The following UPF2 variants were observed in gnomAD, a reference collection of about 807,000 sequenced individuals.
The protein encoded by UPF2 is regulator of nonsense transcripts 2.
In UPF2, 17 loss-of-function variants were observed where a neutral mutation model predicts 141.4. That is an observed-to-expected ratio of 0.12 (90% CI 0.08 to 0.18). The LOEUF (loss-of-function observed/expected upper bound fraction) is 0.18, where lower values mean the gene tolerates loss of function less well. Ranked by LOEUF, UPF2 falls within the 10% of genes least tolerant of loss-of-function variation. The pLI, the probability that UPF2 is intolerant of heterozygous loss-of-function variation, is 1.00. For synonymous variants in UPF2, 540 were observed against 498.0 expected (o/e 1.08, Z -1.12); for missense variants, 1,152 against 1,515.9 (o/e 0.76, Z 3.99).
chr10:11,990,960 C>T (rs1395695190), intron 8 of UPF2, among the ~76,000 whole-genome samples: 2 of 145,404 alleles, frequency 1.4e-5, no homozygotes, highest in Admixed American at 7.0e-5. Context: ...TGCACTTCAG[C>T]GCTTGAGCGA....
intron 14 of UPF2, among the ~76,000 whole-genome samples, chr10:11,952,824 A>G (rs927919875): frequency 7.2e-5 from 11 of 152,092 alleles, no homozygotes; most frequent in African/African-American, 2.7e-4. Context: ...GCAAGGAAAT[A>G]TTATAAATAA....
At chr10:12,037,388 GTGTTTT>G (rs1165380655) in intron 1 of UPF2, among the ~76,000 whole-genome samples, 1 of 146,786 alleles carries the variant, frequency 6.8e-6, no homozygotes, top group Non-Finnish European at 1.5e-5. Flanking sequence ...TTGAGCTTTA[GTGTTTT>G]TGTTTTTCTT....
rs1253213678 is a variant in UPF2 at position 11,995,404 on chromosome 10, A to T, written c.1844+2268T>A. Among the ~76,000 whole-genome samples, 3 of 152,200 alleles carry T rather than the reference A, an allele frequency of 2.0e-5. No homozygotes were observed. The East Asian group carries it at 5.8e-4, about 29-fold the overall frequency. The stretch of plus-strand genomic sequence containing the variant: ...CTAATTTTATCACCTTTCACATGAC[A>T]GGCATTGTGCTATGTGCTGGGTATA... On this transcript the variant is annotated intron_variant, in intron 8 of 21. Coordinates refer to ENST00000357604, the MANE Select transcript of UPF2 (RefSeq NM_015542.4).
intron 6 of UPF2, 42 bp from the exon 7 acceptor site, chr10:12,000,051 G>C: frequency 6.8e-7 from 1 of 1,466,412 alleles, no homozygotes; most frequent in Non-Finnish European, 9.3e-7. Flanking sequence ...AAAAAAAAGA[G>C]AACACAGAAT....
chr10:11,943,182 A>G lies in UPF2; in HGVS notation c.3175-14T>C. 1.3e-6 allele frequency: 2 copies of G among 1,573,004 alleles called. No individual in the cohort carries two copies. The highest frequency in any genetic ancestry group is 1.7e-6 in the Non-Finnish European group (2 of 1,151,792). On this transcript the variant is annotated splice_polypyrimidine_tract_variant and intron_variant, in intron 16 of 21. Transcript: ENST00000357604. ...ATCAGAACCCTCCTGAAATTATTGA[A>G]CATTAGAAGATTAAATAACTTTTCG...
Position 12,035,419 on chromosome 10 carries a change from G to A in UPF2, c.5C>T (p.Pro2Leu), listed in dbSNP as rs143855080. The A allele has an allele frequency of 1.8e-5, 28 of 1,571,886 alleles. No homozygotes were observed. Among genetic ancestry groups the A allele is most frequent in the Non-Finnish European group, 2.2e-5 (26 of 1,165,238 alleles). The change falls in exon 2 of 22, where the codon CCA (proline) becomes CTA (leucine). Residue 2 changes from proline to leucine, a missense_variant. This residue lies in a region of UPF2 where 145 missense variants were observed against 136.5 expected (regional missense o/e 1.06). Coordinates refer to ENST00000357604, the MANE Select transcript of UPF2 (RefSeq NM_015542.4). Reference sequence around the variant, plus strand: ...ACTTGCTGGCTTTTTACGCTCAGCTGGCATTATGTGACCCAGGACAATCTG... The same window carrying A: ...ACTTGCTGGCTTTTTACGCTCAGCTAGCATTATGTGACCCAGGACAATCTG... The part of the protein sequence containing the change: M[P>L]AERKKPASME...
In UPF2 at chr10:11,959,202, T is replaced by C. The variant is rs1253311906; in HGVS notation, c.2339A>G (p.Tyr780Cys). 33 of 1,607,402 alleles carry C rather than the reference T, an allele frequency of 2.1e-5. No homozygotes were observed. The highest frequency in any genetic ancestry group is 2.7e-5 in the Non-Finnish European group (32 of 1,177,906). ...GGTGGTAACCTTAGAGAGATCCTTGTACAAAAGTTTCCGGACATATTCCTG... is the reference window on the plus strand; with the variant it reads ...GGTGGTAACCTTAGAGAGATCCTTGCACAAAAGTTTCCGGACATATTCCTG... ...PLQEYVRKLLYKDLSKVTTEK... is the reference protein window; with the variant it reads ...PLQEYVRKLLCKDLSKVTTEK... The change falls in exon 12 of 22, where the codon TAC (tyrosine) becomes TGC (cysteine). Residue 780 changes from tyrosine to cysteine, a missense_variant. By Grantham distance (194) the Tyr-to-Cys change is radical. Around this residue, in one of 4 missense-constraint regions of UPF2, gnomAD observed 739 missense variants for 1,032.2 expected, o/e 0.72. Transcript: ENST00000357604. This position sits in a 1 kb window ranked among gnomAD's most constrained non-coding sequence, Gnocchi z 5.9.
Position 12,020,413 on chromosome 10 carries a change from G to A in UPF2, c.1146-6229C>T, listed in dbSNP as rs534815878. 7.3e-4 allele frequency among the ~76,000 whole-genome samples: 111 copies of A among 152,072 alleles called. 1 individual carries two copies. Among genetic ancestry groups the A allele is most frequent in the African/African-American group, 2.4e-3 (98 of 41,480 alleles). ...ATTACAGGCATGCGCCACTACGCCCGGCTAATTTTGTATTTTTAGTAGAGA... is the reference window on the plus strand; with the variant it reads ...ATTACAGGCATGCGCCACTACGCCCAGCTAATTTTGTATTTTTAGTAGAGA... On this transcript the variant is annotated intron_variant, in intron 3 of 21. Transcript: ENST00000357604.
At chr10:11,951,702 A>G (rs1833077288) in intron 15 of UPF2, among the ~76,000 whole-genome samples, 1 of 152,238 alleles carries the variant, frequency 6.6e-6, no homozygotes, top group Non-Finnish European at 1.5e-5. Context: ...TCTAGGAAAT[A>G]ATGCCTGTTG....
intron 8 of UPF2, among the ~76,000 whole-genome samples, chr10:11,985,495 G>A (rs1588553443): frequency 6.6e-6 from 1 of 151,954 alleles, no homozygotes; most frequent in African/African-American, 2.4e-5. Context: ...AAATTAGCTG[G>A]GCGTGGTGGA....
rs955319320 is a variant in UPF2 at position 11,935,493 on chromosome 10, T to C, written c.3546+1052A>G. 6.6e-6 allele frequency among the ~76,000 whole-genome samples: 1 copy of C among 152,230 alleles called. No homozygotes were observed. Among genetic ancestry groups the C allele is most frequent in the South Asian group, 2.1e-4 (1 of 4,830 alleles). ...CTAAGATACACCATTATTTTACTTA[T>C]CACTAAAGCAGAAAGAAATGCTGTC... On this transcript the variant is annotated intron_variant, in intron 19 of 21. Coordinates refer to ENST00000357604, the MANE Select transcript of UPF2 (RefSeq NM_015542.4). This position sits in a 1 kb window ranked among gnomAD's most constrained non-coding sequence, Gnocchi z 4.9.
intron 4 of UPF2, among the ~76,000 whole-genome samples, chr10:12,005,093 A>G (rs1013504709): frequency 6.1e-5 from 8 of 131,464 alleles, no homozygotes; most frequent in Non-Finnish European, 1.3e-4. Context: ...TTAAAGTCCC[A>G]CCTCCCCCAT....
At chr10:11,995,067 C>T (rs1833844541) in intron 8 of UPF2, among the ~76,000 whole-genome samples, 1 of 149,992 alleles carries the variant, frequency 6.7e-6, no homozygotes, top group African/African-American at 2.5e-5. Context: ...ATATGATGTG[C>T]CTAATTCTTC....
chr10:12,028,038 A>G (rs1199628781), intron 3 of UPF2, among the ~76,000 whole-genome samples: 1 of 152,046 alleles, frequency 6.6e-6, no homozygotes, highest in African/African-American at 2.4e-5. Context: ...ATGCCTAGCA[A>G]CTCCATCAAC....
At chr10:12,031,763 G>A (rs1834528412) in intron 2 of UPF2, among the ~76,000 whole-genome samples, 1 of 152,042 alleles carries the variant, frequency 6.6e-6, no homozygotes, top group African/African-American at 2.4e-5. Context: ...GTGACAGAGT[G>A]AGCCCTGTCT....
intron 8 of UPF2, among the ~76,000 whole-genome samples, chr10:11,991,555 T>C (rs1474456714): frequency 1.3e-5 from 2 of 152,138 alleles, no homozygotes; most frequent in African/African-American, 2.4e-5. Context: ...AGGAAAGTTA[T>C]TGGATTTACT....
intron 2 of UPF2, among the ~76,000 whole-genome samples, chr10:12,031,923 A>G (rs1286463804): frequency 1.9e-4 from 29 of 152,226 alleles, no homozygotes; most frequent in Admixed American, 1.7e-3. Context: ...CACTGAGAAC[A>G]TGGACAGTTG....
Position 12,013,465 on chromosome 10 carries a change from T to C in UPF2, c.1306+559A>G, listed in dbSNP as rs538514203. Reference sequence around the variant, plus strand: ...CTAATTTTTGTATTTTTAGTAGAGATGGCGTTTCAATGTTGGTCAGGCTGG... The same window carrying C: ...CTAATTTTTGTATTTTTAGTAGAGACGGCGTTTCAATGTTGGTCAGGCTGG... On this transcript the variant is annotated intron_variant, in intron 4 of 21. Transcript: ENST00000357604. Among the ~76,000 whole-genome samples, 12 of 151,952 alleles carry C rather than the reference T, an allele frequency of 7.9e-5. No individual in the cohort carries two copies. In the South Asian group the frequency reaches 2.3e-3, roughly 29 times the overall value.
chr10:11,950,874 C>T (rs1264577534), intron 15 of UPF2, among the ~76,000 whole-genome samples: 1 of 152,180 alleles, frequency 6.6e-6, no homozygotes, highest in Non-Finnish European at 1.5e-5. Flanking sequence ...AATACTTGCA[C>T]AATCAGTAGC....
Sources: allele counts gnomAD v4.1 joint callset (sites outside exome capture counted in the v4.1 genomes callset), GRCh38; gene constraint gnomAD v4.1.1; regional missense constraint gnomAD v4.1.1; non-coding constraint Gnocchi (gnomAD v3.1); transcripts MANE v1.5; gene names NCBI Gene and HGNC (gene_info 2026-07-23, HGNC 2026-07-21).